The following RUBCN variants were observed in gnomAD, a reference collection of about 807,000 sequenced individuals.
The protein encoded by RUBCN is rubicon autophagy regulator.
A neutral mutation model predicts 113.2 loss-of-function variants in RUBCN; 74 were observed. That is an observed-to-expected ratio of 0.65 (90% CI 0.54 to 0.79). The LOEUF is 0.79. RUBCN is among the 30% of genes least tolerant of loss of function. The pLI, the probability that RUBCN is intolerant of heterozygous loss-of-function variation, is 0.00. For synonymous variants in RUBCN, 480 were observed against 490.0 expected (o/e 0.98, Z 0.27); for missense variants, 1,109 against 1,251.7 (o/e 0.89, Z 1.72).
At position 197,703,533 on chromosome 3, in the gene RUBCN, C is replaced by T. The variant is rs367699558; in HGVS notation, c.570+15G>A. 3 of 1,565,368 alleles carry T rather than the reference C, an allele frequency of 1.9e-6. No homozygotes were observed. Among genetic ancestry groups the T allele is most frequent in the African/African-American group, 2.7e-5 (2 of 73,634 alleles). On this transcript the variant is annotated intron_variant, in intron 5 of 19. Coordinates refer to ENST00000296343, the MANE Select transcript of RUBCN (RefSeq NM_014687.4). The stretch of plus-strand genomic sequence containing the variant: ...GGACCCAGCATAGACGTGGATAATT[C>T]CTTGTCCCCTGTACCATGGACGCAT...
intron 11 of RUBCN, chr3:197,691,085 G>A (rs1193200005): frequency 1.2e-5 from 16 of 1,289,030 alleles, no homozygotes; most frequent in East Asian, 5.5e-5. Context: ...TGAGAACATC[G>A]AGGCCAGTGA....
chr3:197,742,258 C>A (rs927490722), intron 1 of RUBCN, among the ~76,000 whole-genome samples: 1 of 151,942 alleles, frequency 6.6e-6, no homozygotes, highest in African/African-American at 2.4e-5. Flanking sequence ...TTTAGGAGGC[C>A]GAGGTGGGCG....
Position 197,670,686 on chromosome 3 carries a change from C to G in RUBCN, c.*4332G>C, listed in dbSNP as rs1486438718. ...GTCTTTCACATGGCTTTTTCATTCT[C>G]CTCTCAGTTTAATTTGTAAATATGA... On this transcript the variant is annotated 3_prime_UTR_variant, in exon 20 of 20. Transcript: ENST00000296343. Among the ~76,000 whole-genome samples the G allele has an allele frequency of 6.6e-6, 1 of 152,204 alleles. No homozygotes were observed. Among genetic ancestry groups the G allele is most frequent in the Non-Finnish European group, 1.5e-5 (1 of 68,036 alleles).
At chr3:197,680,342 A>T (rs1369212777) in intron 16 of RUBCN, among the ~76,000 whole-genome samples, 3 of 135,390 alleles carry the variant, frequency 2.2e-5, no homozygotes, top group Admixed American at 7.4e-5. Flanking sequence ...CTGGCTCCAG[A>T]CTGTCCTACG....
intron 1 of RUBCN, among the ~76,000 whole-genome samples, chr3:197,729,243 TTTTTGTTTTG>T (rs143795892): frequency 6.6e-6 from 1 of 151,822 alleles, no homozygotes; most frequent in Non-Finnish European, 1.5e-5. Flanking sequence ...GCTTTTGTTT[TTTTTGTTTTG>T]TTTTGTTTGT....
rs746764220 is a variant in RUBCN at position 197,694,505 on chromosome 3, T to TA, written c.1553dup (p.Glu519ArgfsTer11). The TA allele has an allele frequency of 1.9e-6, 3 of 1,614,156 alleles. No homozygotes were observed. Among genetic ancestry groups the TA allele is most frequent in the Non-Finnish European group, 2.5e-6 (3 of 1,180,006 alleles). ...CTTCCTCTTCCACTTCCTCCTCCTC[T>TA]AGGCACTGGCTCATCATGTTGCACT... On this transcript the variant is annotated frameshift_variant, in exon 10 of 20. Coordinates refer to ENST00000296343, the MANE Select transcript of RUBCN (RefSeq NM_014687.4). LOFTEE classifies it high-confidence loss of function.
intron 8 of RUBCN, 61 bp downstream of exon 8, chr3:197,696,893 C>A (rs774609675): frequency 2.2e-5 from 20 of 900,998 alleles, no homozygotes; most frequent in Admixed American, 1.5e-4. Flanking sequence ...CAGAACTTAG[C>A]AGGCACAAGG....
intron 2 of RUBCN, among the ~76,000 whole-genome samples, chr3:197,709,730 C>G (rs1018723477): frequency 1.3e-5 from 2 of 152,098 alleles, no homozygotes; most frequent in African/African-American, 4.8e-5. Flanking sequence ...AAACAGAGAA[C>G]AACACACCAG....
chr3:197,683,571 A>AT lies in RUBCN; in HGVS notation c.1848-133dup, dbSNP rs1380112412. Reference sequence around the variant, plus strand: ...ACACCCGCAGCACCCTGGCCTGCTCATCACCCTCACACATGGGACAGTCAA... The same window carrying AT: ...ACACCCGCAGCACCCTGGCCTGCTCATTCACCCTCACACATGGGACAGTCAA... On this transcript the variant is annotated intron_variant, in intron 12 of 19. Coordinates refer to ENST00000296343, the MANE Select transcript of RUBCN (RefSeq NM_014687.4). This position sits in a 1 kb window ranked among gnomAD's most constrained non-coding sequence, Gnocchi z 4.6. 2 of 973,508 alleles carry AT rather than the reference A, an allele frequency of 2.1e-6. No individual in the cohort carries two copies. The highest frequency in any genetic ancestry group is 3.2e-5 in the African/African-American group (2 of 61,946). 60.3% of individuals were successfully genotyped at this position (973,508 alleles called of 1,614,324 possible). A position where few individuals can be genotyped will look rare whatever the true frequency, so the allele number is the denominator to read the frequency against.
Position 197,693,682 on chromosome 3 carries a change from A to T in RUBCN, c.1786+33T>A, listed in dbSNP as rs373476479. 1.4e-5 allele frequency: 20 copies of T among 1,392,028 alleles called. No individual in the cohort carries two copies. The African/African-American group carries it at 2.7e-4, about 19-fold the overall frequency. The allele number at this position is 1,392,028 out of a possible 1,614,324, so 86.2% of individuals were successfully genotyped here. On this transcript the variant is annotated intron_variant, in intron 11 of 19. Coordinates refer to ENST00000296343, the MANE Select transcript of RUBCN (RefSeq NM_014687.4). ...ATTCTAAATGGAAAGAAACAGAATA[A>T]AAGTTCCCTTGTAACAAAGTGTCAC...
intron 1 of RUBCN, among the ~76,000 whole-genome samples, chr3:197,719,456 C>T (rs943988942): frequency 9.2e-6 from 1 of 108,332 alleles, no homozygotes. Context: ...CCAGCCTGGG[C>T]AACAAGTGTG....
chr3:197,718,690 C>T (rs535525414), intron 1 of RUBCN, among the ~76,000 whole-genome samples: 9 of 152,262 alleles, frequency 5.9e-5, no homozygotes, highest in Non-Finnish European at 7.4e-5. Flanking sequence ...CCTCCCACCT[C>T]GGCCTCCCAG....
intron 1 of RUBCN, among the ~76,000 whole-genome samples, chr3:197,728,138 T>C (rs1030224075): frequency 1.5e-4 from 23 of 152,182 alleles, no homozygotes; most frequent in African/African-American, 5.1e-4. Context: ...CAGTGGCACA[T>C]GCCTGTAGTC....
rs764901097 is a variant in RUBCN at position 197,675,037 on chromosome 3, G to A, written c.2900C>T (p.Ala967Val). Residue 967 changes from alanine to valine, a missense_variant, in exon 20 of 20, where the codon GCC becomes GTC. Coordinates refer to ENST00000296343, the MANE Select transcript of RUBCN (RefSeq NM_014687.4). The surrounding 1 kb of genome is among the most constrained non-coding windows in gnomAD (Gnocchi z 4.4). ...EPAEALALEA[A>V]VLEAT is the part of the protein sequence containing the mutation. ...CTTTCTTCAGGTGGCCTCCAGGACG[G>A]CGGCTTCCAGGGCCAGCGCTTCCGC... is the stretch of plus-strand genomic sequence containing the variant. 151 of 1,612,554 alleles carry A rather than the reference G, an allele frequency of 9.4e-5. 4 individuals carry two copies. The Admixed American group carries it at 2.5e-3, about 27-fold the overall frequency.
At chr3:197,691,101 AC>A (rs1320535089) in intron 11 of RUBCN, 7 of 1,289,546 alleles carry the variant, frequency 5.4e-6, no homozygotes, top group Non-Finnish European at 7.1e-6. Flanking sequence ...AGTGACACTG[AC>A]AGTCCGTTCT....
intron 13 of RUBCN, 103 bp from the exon 14 acceptor site, chr3:197,682,718 T>TGGGGTAAGGACC (rs1217559282): frequency 1.5e-5 from 22 of 1,495,376 alleles, no homozygotes; most frequent in Non-Finnish European, 2.0e-5. Context: ...AAAACACAGT[T>TGGGGTAAGGACC]GGGGTAAGTT....
chr3:197,723,575 C>T (rs1008428322), intron 1 of RUBCN, among the ~76,000 whole-genome samples: 5 of 152,176 alleles, frequency 3.3e-5, no homozygotes, highest in African/African-American at 4.8e-5. Flanking sequence ...ACTTTAACTC[C>T]ATTCCTCCCC....
intron 2 of RUBCN, among the ~76,000 whole-genome samples, chr3:197,714,020 G>A (rs1422610570): frequency 1.3e-5 from 2 of 152,028 alleles, no homozygotes; most frequent in African/African-American, 4.8e-5. Flanking sequence ...AGCTTGCAGT[G>A]AGCTGAGATC....
At chr3:197,729,145 C>CAAA (rs572262416) in intron 1 of RUBCN, among the ~76,000 whole-genome samples, 1,459 of 75,344 alleles carry the variant, frequency 0.019, 30 homozygotes, top group African/African-American at 0.063. Context: ...GACTCCGTCT[C>CAAA]AAAAAAAAAA....
Sources: allele counts gnomAD v4.1 joint callset (sites outside exome capture counted in the v4.1 genomes callset), GRCh38; gene constraint gnomAD v4.1.1; non-coding constraint Gnocchi (gnomAD v3.1); transcripts MANE v1.5; gene names NCBI Gene and HGNC (gene_info 2026-07-23, HGNC 2026-07-21).